The following KIAA1217 variants were observed in gnomAD, a reference collection of about 807,000 sequenced individuals.
The protein encoded by KIAA1217 is sickle tail protein homolog.
Under a neutral mutation model 163.9 loss-of-function variants are expected in KIAA1217, and 88 were observed. The ratio of observed to expected loss-of-function variants is 0.54; its 90% CI spans 0.45 to 0.64. KIAA1217 has a LOEUF of 0.64. Ranked by LOEUF, KIAA1217 falls within the 30% of genes least tolerant of loss-of-function variation. The probability of loss-of-function intolerance (pLI) is 0.00; values close to 1 mark genes in which losing one functional copy is unlikely to be tolerated. For synonymous variants in KIAA1217, 903 were observed against 923.1 expected (o/e 0.98, Z 0.39); for missense variants, 2,372 against 2,475.0 (o/e 0.96, Z 0.88).
At chr10:23,831,697 C>T (rs963950431) in intron 1 of KIAA1217, among the ~76,000 whole-genome samples, 3 of 152,052 alleles carry the variant, frequency 2.0e-5, no homozygotes, top group African/African-American at 7.2e-5. Flanking sequence ...TCTTGATCTC[C>T]CATTTCTGGT....
chr10:24,032,777 T>C (rs1678798964), intron 2 of KIAA1217, among the ~76,000 whole-genome samples: 1 of 152,204 alleles, frequency 6.6e-6, no homozygotes, highest in African/African-American at 2.4e-5. Context: ...GCTTTAATGC[T>C]TTAGATTATA....
intron 1 of KIAA1217, among the ~76,000 whole-genome samples, chr10:23,899,215 A>G (rs1304124597): frequency 2.6e-5 from 4 of 152,118 alleles, no homozygotes; most frequent in African/African-American, 7.2e-5. Flanking sequence ...CTGCTGAACA[A>G]TAGGGCACAT....
At chr10:24,092,729 G>A (rs1319914347) in intron 2 of KIAA1217, among the ~76,000 whole-genome samples, 2 of 151,786 alleles carry the variant, frequency 1.3e-5, no homozygotes, top group African/African-American at 2.4e-5. Context: ...GAAACAAATA[G>A]TAGGTTTCCA....
intron 2 of KIAA1217, among the ~76,000 whole-genome samples, chr10:24,318,184 GAGGTAGGT>G (rs545853534): frequency 6.6e-6 from 1 of 152,134 alleles, no homozygotes; most frequent in Non-Finnish European, 1.5e-5. Flanking sequence ...TTAGATTAGA[GAGGTAGGT>G]AGGTAGGTAG....
In KIAA1217 at chr10:24,546,345, C is replaced by T. The variant is rs754638638; in HGVS notation, c.*21C>T. The T allele has an allele frequency of 1.3e-6, 2 of 1,555,778 alleles. No homozygotes were observed. Among genetic ancestry groups the T allele is most frequent in the Non-Finnish European group, 1.7e-6 (2 of 1,153,230 alleles). ...CTTAAAGGTCAAATCCTATTAGGCA[C>T]AAGTCGGAGTTACATTTAAAAAAAA... On this transcript the variant is annotated 3_prime_UTR_variant, in exon 21 of 21. Coordinates refer to ENST00000376454, the MANE Select transcript of KIAA1217 (RefSeq NM_019590.5).
At chr10:24,298,817 A>C (rs2040941941) in intron 2 of KIAA1217, among the ~76,000 whole-genome samples, 1 of 152,102 alleles carries the variant, frequency 6.6e-6, no homozygotes. Flanking sequence ...AAATAAATAA[A>C]TAAAATAAAA....
rs192118965 is a variant in KIAA1217, at chr10:24,192,381, A to G, written c.-170-27245A>G. Among the ~76,000 whole-genome samples, 46 of 152,280 alleles carry G rather than the reference A, an allele frequency of 3.0e-4. No individual in the cohort carries two copies. The East Asian group carries it at 7.9e-3, about 26-fold the overall frequency. On this transcript the variant is annotated intron_variant, in intron 2 of 18. Transcript: ENST00000376462. ...GCTTCAGTGGGAAAGGATAAGGGGA[A>G]AGGATAAGGGGAAGGTGCAAGAAAC...
intron 5 of KIAA1217, among the ~76,000 whole-genome samples, chr10:24,469,664 T>G (rs2063293407): frequency 6.6e-6 from 1 of 152,028 alleles, no homozygotes; most frequent in Non-Finnish European, 1.5e-5. Flanking sequence ...CAGGCTGGAG[T>G]GCAGTGGTAT....
intron 1 of KIAA1217, among the ~76,000 whole-genome samples, chr10:23,807,406 G>A (rs561068249): frequency 1.6e-4 from 24 of 152,364 alleles, no homozygotes; most frequent in South Asian, 6.2e-4. Flanking sequence ...AAAGATGTGG[G>A]GTTGTGATGT....
At chr10:24,228,823 C>T (rs1014980611) in intron 2 of KIAA1217, among the ~76,000 whole-genome samples, 1 of 152,122 alleles carries the variant, frequency 6.6e-6, no homozygotes, top group Non-Finnish European at 1.5e-5. Flanking sequence ...TTTTGTTATA[C>T]CTAGCACTTT....
chr10:24,325,496 G>C (rs2044752956), intron 2 of KIAA1217, among the ~76,000 whole-genome samples: 1 of 152,208 alleles, frequency 6.6e-6, no homozygotes, highest in Admixed American at 6.5e-5. Flanking sequence ...GGTCCAGAGA[G>C]AGTATAGAGC....
chr10:23,995,450 C>CTCTGTGTGTGTG lies in KIAA1217; in HGVS notation c.-320-11774_-320-11773insCTGTGTGTGTGT, dbSNP rs980015208. On this transcript the variant is annotated intron_variant, in intron 1 of 18. Transcript: ENST00000376462. ...CAATTCCATTACAGCCAATTATGGCCTGTGTGTGTGTGTGTGTGTGTGTGT... is the reference window on the plus strand; with the variant it reads ...CAATTCCATTACAGCCAATTATGGCCTCTGTGTGTGTGTGTGTGTGTGTGTGTGTGTGTGTGT... Among the ~76,000 whole-genome samples the CTCTGTGTGTGTG allele has an allele frequency of 9.4e-4, 139 of 147,830 alleles. 1 individual carries two copies. The highest frequency in any genetic ancestry group is 3.4e-3 in the African/African-American group (138 of 40,106).
intron 1 of KIAA1217, among the ~76,000 whole-genome samples, chr10:23,879,864 C>T (rs1180840846): frequency 6.6e-6 from 1 of 151,828 alleles, no homozygotes; most frequent in Non-Finnish European, 1.5e-5. Flanking sequence ...ATGGAACAAT[C>T]CCCTTAGGTG....
At chr10:24,073,059 G>GAAAA (rs532104668) in intron 2 of KIAA1217, among the ~76,000 whole-genome samples, 1 of 123,044 alleles carries the variant, frequency 8.1e-6, no homozygotes. Flanking sequence ...ACTCTGTCTT[G>GAAAA]AAAAAAAAAA....
intron 2 of KIAA1217, among the ~76,000 whole-genome samples, chr10:24,325,141 C>T (rs183632285): frequency 6.8e-4 from 103 of 152,284 alleles, no homozygotes; most frequent in Middle Eastern, 3.4e-3. Flanking sequence ...CACAAAAACT[C>T]GGGTTTCTGA....
intron 1 of KIAA1217, among the ~76,000 whole-genome samples, chr10:23,951,841 TCTC>T (rs1844349816): frequency 6.6e-6 from 1 of 152,166 alleles, no homozygotes; most frequent in Non-Finnish European, 1.5e-5. Context: ...CTTCATCTCA[TCTC>T]TTACTATTGA....
intron 1 of KIAA1217, among the ~76,000 whole-genome samples, chr10:23,861,732 C>A (rs1180313424): frequency 6.6e-6 from 1 of 152,148 alleles, no homozygotes; most frequent in Non-Finnish European, 1.5e-5. Context: ...AACTGGCCAT[C>A]AGCAAGGAAT....
chr10:24,209,878 T>A (rs1180569616), intron 1 of KIAA1217, among the ~76,000 whole-genome samples: 1 of 152,204 alleles, frequency 6.6e-6, no homozygotes, highest in Non-Finnish European at 1.5e-5. Flanking sequence ...CCAGGCAGTT[T>A]CCCTTTAATT....
At chr10:23,804,580 G>T (rs753840762) in intron 1 of KIAA1217, among the ~76,000 whole-genome samples, 8 of 152,184 alleles carry the variant, frequency 5.3e-5, no homozygotes, top group Non-Finnish European at 1.0e-4. Context: ...CATAGGTCTT[G>T]TCCTTGGTGC....
Sources: allele counts gnomAD v4.1 joint callset (sites outside exome capture counted in the v4.1 genomes callset), GRCh38; gene constraint gnomAD v4.1.1; transcripts MANE v1.5; gene names NCBI Gene and HGNC (gene_info 2026-07-23, HGNC 2026-07-21).